The following LAMA2 variants were observed in gnomAD, a reference collection of about 807,000 sequenced individuals.
LAMA2 encodes the protein laminin subunit alpha 2.
Under a neutral mutation model 364.8 loss-of-function variants are expected in LAMA2, and 269 were observed. That is an observed-to-expected ratio of 0.74 (90% CI 0.67 to 0.82). The LOEUF is 0.82. Among genes scored for constraint, LAMA2 ranks in the 40% least tolerant of loss-of-function variants. The pLI, the probability that LAMA2 is intolerant of heterozygous loss-of-function variation, is 0.00. For synonymous variants in LAMA2, 1,379 were observed against 1,370.6 expected (o/e 1.01, Z -0.14); for missense variants, 3,807 against 3,873.2 (o/e 0.98, Z 0.45).
chr6:129,225,720 C>A (rs1258402486), intron 12 of LAMA2, among the ~76,000 whole-genome samples: 1 of 152,100 alleles, frequency 6.6e-6, no homozygotes, highest in East Asian at 1.9e-4. Context: ...AATTTCTGAT[C>A]TTTTACATTT....
chr6:129,474,721 T>A (rs1275794702), intron 52 of LAMA2, among the ~76,000 whole-genome samples: 1 of 152,188 alleles, frequency 6.6e-6, no homozygotes, highest in Non-Finnish European at 1.5e-5. Context: ...CATAAAATAA[T>A]TTTTAGGAAT....
At chr6:129,089,516 C>A (rs555476675) in intron 3 of LAMA2, among the ~76,000 whole-genome samples, 1 of 152,310 alleles carries the variant, frequency 6.6e-6, no homozygotes, top group South Asian at 2.1e-4. Flanking sequence ...GTGACAGTTT[C>A]ATTGAAAGGA....
intron 22 of LAMA2, among the ~76,000 whole-genome samples, chr6:129,301,651 C>G (rs1349454267): frequency 6.6e-6 from 1 of 151,996 alleles, no homozygotes; most frequent in Non-Finnish European, 1.5e-5. Flanking sequence ...GGAGGAGGAG[C>G]AAGTTCAGGA....
intron 55 of LAMA2, 113 bp downstream of exon 55, chr6:129,481,552 C>T (rs997044819): frequency 3.3e-6 from 3 of 905,450 alleles, no homozygotes; most frequent in Non-Finnish European, 5.5e-6. Flanking sequence ...TCTTGGCTAG[C>T]AAGGACTGAA....
intron 4 of LAMA2, among the ~76,000 whole-genome samples, chr6:129,105,252 T>A (rs1262471819): frequency 6.6e-6 from 1 of 152,032 alleles, no homozygotes; most frequent in Non-Finnish European, 1.5e-5. Flanking sequence ...CTACATAACA[T>A]GCATGTCCAG....
At chr6:129,339,090 T>C (rs549826842) in intron 29 of LAMA2, among the ~76,000 whole-genome samples, 168 of 113,958 alleles carry the variant, frequency 1.5e-3, no homozygotes, top group Non-Finnish European at 2.9e-3. Flanking sequence ...TGGTTTGATA[T>C]GTTCATAGGA....
chr6:129,320,699 G>A lies in LAMA2; in HGVS notation c.4176+44G>A, dbSNP rs370150489. On this transcript the variant is annotated intron_variant, in intron 28 of 64. Transcript: ENST00000421865. ...ACCTGCTTAATCTCAAGTCACTTCA[G>A]GAGCTAAATGGAAATACTCCCAGAA... 2.1e-4 allele frequency: 216 copies of A among 1,016,046 alleles called. 1 individual carries two copies. The highest frequency in any genetic ancestry group is 3.1e-4 in the Non-Finnish European group (196 of 635,186). The allele number at this position is 1,016,046 out of a possible 1,614,324, so 62.9% of individuals were successfully genotyped here. A position where few individuals can be genotyped will look rare whatever the true frequency, so the allele number is the denominator to read the frequency against.
intron 1 of LAMA2, among the ~76,000 whole-genome samples, chr6:129,040,259 G>C (rs559754083): frequency 1.3e-5 from 2 of 152,274 alleles, no homozygotes; most frequent in African/African-American, 4.8e-5. Context: ...TTTTGTGGAT[G>C]ATCTTCATGA....
chr6:129,114,474 C>T (rs1776344458), intron 4 of LAMA2, among the ~76,000 whole-genome samples: 1 of 151,948 alleles, frequency 6.6e-6, no homozygotes, highest in African/African-American at 2.4e-5. Context: ...TCACACAATT[C>T]CCTAAAGGAA....
intron 1 of LAMA2, among the ~76,000 whole-genome samples, chr6:129,046,475 G>A (rs979725450): frequency 6.6e-6 from 1 of 152,130 alleles, no homozygotes; most frequent in Non-Finnish European, 1.5e-5. Flanking sequence ...CAGATATTAT[G>A]AGACTTATTT....
chr6:128,952,696 C>T (rs1379622190), intron 1 of LAMA2, among the ~76,000 whole-genome samples: 5 of 152,058 alleles, frequency 3.3e-5, no homozygotes, highest in African/African-American at 1.2e-4. Flanking sequence ...TGGATTTCTT[C>T]CATGTACTGT....
chr6:129,025,351 G>C (rs891701680), intron 1 of LAMA2, among the ~76,000 whole-genome samples: 1 of 151,948 alleles, frequency 6.6e-6, no homozygotes, highest in Admixed American at 6.6e-5. Flanking sequence ...TAAAAGAAAA[G>C]TGATAATGTT....
intron 5 of LAMA2, among the ~76,000 whole-genome samples, chr6:129,146,486 T>C (rs1387562374): frequency 2.0e-5 from 3 of 152,072 alleles, no homozygotes; most frequent in East Asian, 1.9e-4. Context: ...TTAAGGAATA[T>C]ATTGTTATGA....
chr6:129,490,372 C>G (rs375679016), intron 56 of LAMA2, among the ~76,000 whole-genome samples: 187 of 152,336 alleles, frequency 1.2e-3, no homozygotes, highest in African/African-American at 4.2e-3. Context: ...AAAGCCCACA[C>G]TCATTCTCCA....
At chr6:129,172,957 T>C (rs57653327) in intron 9 of LAMA2, among the ~76,000 whole-genome samples, 1,998 of 152,320 alleles carry the variant, frequency 0.013, 42 homozygotes, top group African/African-American at 0.046. Context: ...CGTCACCCCT[T>C]TCTGTGACTC....
chr6:129,184,382 A>G (rs1204413725), intron 10 of LAMA2, among the ~76,000 whole-genome samples: 1 of 151,900 alleles, frequency 6.6e-6, no homozygotes, highest in Non-Finnish European at 1.5e-5. Context: ...TTCAAATAAT[A>G]TTATGTTAGT....
intron 12 of LAMA2, among the ~76,000 whole-genome samples, chr6:129,202,412 G>T (rs1782363700): frequency 6.6e-6 from 1 of 151,954 alleles, no homozygotes. Context: ...CCATGAATGG[G>T]ATTAACATCC....
chr6:129,124,790 C>T (rs1777017990), intron 4 of LAMA2, among the ~76,000 whole-genome samples: 1 of 152,172 alleles, frequency 6.6e-6, no homozygotes, highest in Non-Finnish European at 1.5e-5. Context: ...GCAACCACCA[C>T]CACAATCCAA....
intron 8 of LAMA2, chr6:129,158,799 A>C: frequency 6.2e-7 from 1 of 1,614,190 alleles, no homozygotes. Flanking sequence ...TTGCACTGAA[A>C]ATCAGATCCT....
Sources: gnomAD v4.1 joint callset for allele counts (sites outside exome capture counted in the v4.1 genomes callset) on GRCh38, gnomAD v4.1.1 for gene constraint, MANE v1.5 for transcripts, NCBI Gene and HGNC (gene_info 2026-07-23, HGNC 2026-07-21) for gene names.